AP4E1: variants seen among roughly 807,000 people sequenced by gnomAD.
The protein encoded by AP4E1 is AP-4 complex subunit epsilon-1.
Under a neutral mutation model 128.2 loss-of-function variants are expected in AP4E1, and 56 were observed. That is an observed-to-expected ratio of 0.44 (90% CI 0.35 to 0.55). The LOEUF is 0.55. Ranked by LOEUF, AP4E1 falls within the 20% of genes least tolerant of loss-of-function variation. The probability of loss-of-function intolerance (pLI) is 0.00; values close to 1 mark genes in which losing one functional copy is unlikely to be tolerated. For synonymous variants in AP4E1, 484 were observed against 473.1 expected, an observed-to-expected ratio of 1.02 and a Z score of -0.30; for missense variants, 1,324 against 1,307.7, an observed-to-expected ratio of 1.01 and a Z score of -0.19.
At chr15:50,933,620 C>T (rs1180142371) in intron 7 of AP4E1, among the ~76,000 whole-genome samples, 2 of 152,038 alleles carry the variant, frequency 1.3e-5, no homozygotes, top group African/African-American at 4.8e-5. Flanking sequence ...GTATGGTTAT[C>T]TTCTGAGAAA....
At chr15:50,971,845 G>A (rs2064483446) in intron 15 of AP4E1, among the ~76,000 whole-genome samples, 1 of 151,908 alleles carries the variant, frequency 6.6e-6, no homozygotes, top group South Asian at 2.1e-4. Context: ...TTCAAATAAT[G>A]TATCATTTTC....
At chr15:50,909,467 A>G (rs1008688347) in intron 1 of AP4E1, among the ~76,000 whole-genome samples, 1 of 152,204 alleles carries the variant, frequency 6.6e-6, no homozygotes, top group Non-Finnish European at 1.5e-5. Context: ...TTCTTGGGTT[A>G]CAACAACGTG....
At chr15:50,944,205 A>G (rs1388208885) in intron 10 of AP4E1, among the ~76,000 whole-genome samples, 1 of 152,160 alleles carries the variant, frequency 6.6e-6, no homozygotes, top group African/African-American at 2.4e-5. Flanking sequence ...TGTCACTTCT[A>G]ACCTCTATCA....
At chr15:50,975,370 A>G (rs1240829052) in intron 15 of AP4E1, among the ~76,000 whole-genome samples, 2 of 152,070 alleles carry the variant, frequency 1.3e-5, no homozygotes, top group African/African-American at 2.4e-5. Context: ...GTACCATTGC[A>G]CTCCAGCCTG....
intron 3 of AP4E1, 130 bp downstream of exon 3, chr15:50,915,701 A>G (rs2063622155): frequency 1.7e-6 from 2 of 1,148,000 alleles, no homozygotes; most frequent in Admixed American, 2.3e-5. Flanking sequence ...AAACTTTAAA[A>G]GATCACACTT....
chr15:50,999,277 A>ACCT lies in AP4E1; in HGVS notation c.3095+15_3095+16insCCT. ...GATTTCATTAGGTAAATGTTTTGTG[A>ACCT]AATGTTAATTCAAGTTGTTAATTCA... On this transcript the variant is annotated intron_variant, in intron 19 of 20. Coordinates refer to ENST00000261842, the MANE Select transcript of AP4E1 (RefSeq NM_007347.5). 1.2e-6 allele frequency: 2 copies of ACCT among 1,600,620 alleles called. No individual in the cohort carries two copies. Among genetic ancestry groups the ACCT allele is most frequent in the Non-Finnish European group, 1.7e-6 (2 of 1,171,658 alleles).
At position 51,005,235 on chromosome 15, in the gene AP4E1, TAGTC is replaced by T. The variant is rs1567272088; in HGVS notation, c.*2577_*2580del. 2 of 152,292 alleles carry T rather than the reference TAGTC, an allele frequency of 1.3e-5. No individual in the cohort carries two copies. The highest frequency in any genetic ancestry group is 1.5e-5 in the Non-Finnish European group (1 of 68,066). 9.4% of individuals were successfully genotyped at this position (152,292 alleles called of 1,614,324 possible). A position where few individuals can be genotyped will look rare whatever the true frequency, so the allele number is the denominator to read the frequency against. ...TTCTCTTTACCTAATAGTCATAATT[TAGTC>T]AGTGAAGGGACAACATCTGGGGTAA... On this transcript the variant is annotated 3_prime_UTR_variant, in exon 21 of 21. Coordinates refer to ENST00000261842, the MANE Select transcript of AP4E1 (RefSeq NM_007347.5).
intron 5 of AP4E1, among the ~76,000 whole-genome samples, chr15:50,928,168 G>T (rs2063790538): frequency 6.6e-6 from 1 of 152,088 alleles, no homozygotes. Flanking sequence ...GTGTGTCCTT[G>T]TATTCCTCCC....
intron 10 of AP4E1, among the ~76,000 whole-genome samples, chr15:50,942,248 T>G (rs1356852385): frequency 6.6e-6 from 1 of 152,140 alleles, no homozygotes; most frequent in African/African-American, 2.4e-5. Context: ...AAGTAACTTT[T>G]CTAAAAAGTA....
At chr15:50,914,820 A>G (rs138186122) in intron 2 of AP4E1, among the ~76,000 whole-genome samples, 7 of 152,262 alleles carry the variant, frequency 4.6e-5, no homozygotes, top group African/African-American at 9.6e-5. Context: ...TGCATTGAAG[A>G]TATTAAAAGA....
chr15:50,998,546 C>A (rs901403006), intron 18 of AP4E1, among the ~76,000 whole-genome samples: 2 of 152,034 alleles, frequency 1.3e-5, no homozygotes, highest in Non-Finnish European at 2.9e-5. Context: ...AGGAGAATTG[C>A]TTGAACCTGG....
chr15:50,929,245 A>G (rs1323670175), intron 6 of AP4E1, 77 bp downstream of exon 6: 10 of 1,486,948 alleles, frequency 6.7e-6, no homozygotes, highest in African/African-American at 1.4e-5. Context: ...AGAAACAGAT[A>G]TTTTGGTAAA....
At position 50,993,411 on chromosome 15, in the gene AP4E1, G is replaced by A; in HGVS notation, c.2132G>A (p.Gly711Glu). The A allele has an allele frequency of 6.2e-7, 1 of 1,613,918 alleles. No individual in the cohort carries two copies. Among genetic ancestry groups the A allele is most frequent in the Non-Finnish European group, 8.5e-7 (1 of 1,179,942 alleles). ...LKLEGIKKLW[G>E]KEGYLPKKES... ...CTGGAAGGTATAAAGAAATTGTGGG[G>A]GAAAGAAGGCTATCTTCCCAAGAAG... is the stretch of plus-strand genomic sequence containing the variant. Residue 711 changes from glycine to glutamate, a missense_variant, in exon 17 of 21, where the codon GGG becomes GAG. Transcript: ENST00000261842.
In AP4E1 at chr15:50,908,728, C is replaced by T. The variant is rs377511016; in HGVS notation, c.-51C>T. The stretch of plus-strand genomic sequence containing the variant: ...CGGCAGCGGCGGCCGGGCATGAAGC[C>T]GGGCGGCTACGGGATCGCGGGCGGC... On this transcript the variant is annotated 5_prime_UTR_variant, in exon 1 of 21. Transcript: ENST00000261842. 12 of 1,473,038 alleles carry T rather than the reference C, an allele frequency of 8.1e-6. 1 individual carries two copies. In the Admixed American group the frequency reaches 1.0e-4, roughly 13 times the overall value. 91.2% of individuals were successfully genotyped at this position (1,473,038 alleles called of 1,614,324 possible). A position where few individuals can be genotyped will look rare whatever the true frequency, so the allele number is the denominator to read the frequency against.
chr15:50,983,968 C>T, intron 15 of AP4E1, 54 bp from the exon 16 acceptor site: 4 of 1,578,070 alleles, frequency 2.5e-6, no homozygotes, highest in South Asian at 1.1e-5. Flanking sequence ...GTAACTTTGA[C>T]AGTTTTTTGC....
intron 7 of AP4E1, among the ~76,000 whole-genome samples, chr15:50,933,868 G>A (rs1459183594): frequency 6.6e-6 from 1 of 151,986 alleles, no homozygotes; most frequent in African/African-American, 2.4e-5. Flanking sequence ...ACCACTGTAT[G>A]TATCCTGTGT....
At chr15:50,954,028 C>T (rs1348761487) in intron 13 of AP4E1, among the ~76,000 whole-genome samples, 1 of 152,108 alleles carries the variant, frequency 6.6e-6, no homozygotes, top group Non-Finnish European at 1.5e-5. Flanking sequence ...ACAGGGAGTC[C>T]TAAAACCAAT....
At chr15:50,926,869 C>A (rs892520735) in intron 5 of AP4E1, among the ~76,000 whole-genome samples, 1 of 152,044 alleles carries the variant, frequency 6.6e-6, no homozygotes, top group East Asian at 1.9e-4. Context: ...GGCTTACAGG[C>A]GTGAGCCACC....
At chr15:50,932,849 A>G (rs1357442374) in intron 7 of AP4E1, among the ~76,000 whole-genome samples, 1 of 152,234 alleles carries the variant, frequency 6.6e-6, no homozygotes, top group Non-Finnish European at 1.5e-5. Flanking sequence ...GCATGTACAC[A>G]CATTAGAAAT....
Sources: allele counts gnomAD v4.1 joint callset (sites outside exome capture counted in the v4.1 genomes callset), GRCh38; gene constraint gnomAD v4.1.1; transcripts MANE v1.5; gene names NCBI Gene and HGNC (gene_info 2026-07-23, HGNC 2026-07-21).